Variants in MEGF11 observed in about 807,000 individuals in gnomAD.
The protein encoded by MEGF11 is multiple epidermal growth factor-like domains protein 11.
In MEGF11, 126 loss-of-function variants were observed where a neutral mutation model predicts 146.6. That is an observed-to-expected ratio of 0.86 (90% CI 0.74 to 1.00). The LOEUF is 1.00. Among genes scored for constraint, MEGF11 ranks in the 50% least tolerant of loss-of-function variants. The pLI, the probability that MEGF11 is intolerant of heterozygous loss-of-function variation, is 0.00. For synonymous variants in MEGF11, 532 were observed against 583.4 expected (o/e 0.91, Z 1.27); for missense variants, 1,509 against 1,521.2 (o/e 0.99, Z 0.13).
At chr15:66,119,036 C>T in intron 4 of MEGF11, 50 bp downstream of exon 4, 2 of 1,220,482 alleles carry the variant, frequency 1.6e-6, no homozygotes, top group Non-Finnish European at 1.2e-6. Context: ...CCTCCTTTTG[C>T]CTCTCCTCCC....
intron 7 of MEGF11, among the ~76,000 whole-genome samples, chr15:65,979,214 A>G (rs1208837539): frequency 1.3e-5 from 2 of 152,104 alleles, no homozygotes; most frequent in African/African-American, 4.8e-5. Context: ...GCTTATTAAA[A>G]ATAGAGATCC....
chr15:65,971,232 G>A (rs1348967276), intron 7 of MEGF11: 1 of 153,274 alleles, frequency 6.5e-6, no homozygotes, highest in Non-Finnish European at 1.5e-5. Context: ...GTGGAGGAGT[G>A]ATAACTGCTT....
chr15:65,926,890 G>C (rs895453965), intron 13 of MEGF11, among the ~76,000 whole-genome samples: 2 of 152,194 alleles, frequency 1.3e-5, no homozygotes, highest in African/African-American at 4.8e-5. Context: ...GACCAGGGTT[G>C]AGCCTTATTC....
intron 1 of MEGF11, among the ~76,000 whole-genome samples, chr15:66,223,117 A>G (rs952839925): frequency 3.3e-5 from 5 of 152,262 alleles, no homozygotes; most frequent in South Asian, 2.1e-4. Context: ...ATGGATAAAT[A>G]AAACGTGCTA....
intron 10 of MEGF11, among the ~76,000 whole-genome samples, chr15:65,949,675 C>T (rs2080322628): frequency 6.6e-6 from 1 of 152,214 alleles, no homozygotes; most frequent in Admixed American, 6.5e-5. Context: ...GGCCCCTTAT[C>T]TTCCAGACAC....
intron 1 of MEGF11, among the ~76,000 whole-genome samples, chr15:66,233,838 G>T (rs2092025768): frequency 1.3e-5 from 2 of 152,090 alleles, no homozygotes; most frequent in Admixed American, 1.3e-4. Context: ...AGGAACGCCT[G>T]CCAAAGGTCT....
intron 5 of MEGF11, among the ~76,000 whole-genome samples, chr15:66,011,628 C>T (rs930093978): frequency 2.0e-5 from 3 of 152,014 alleles, no homozygotes; most frequent in Non-Finnish European, 4.4e-5. Flanking sequence ...CCTAATAGCA[C>T]CTGCTTCGGA....
intron 5 of MEGF11, among the ~76,000 whole-genome samples, chr15:66,002,260 C>A (rs944583333): frequency 6.6e-6 from 1 of 152,166 alleles, no homozygotes; most frequent in Non-Finnish European, 1.5e-5. Context: ...TTCTAGCTGG[C>A]TACCTGTCAT....
intron 10 of MEGF11, among the ~76,000 whole-genome samples, chr15:65,945,890 G>A (rs1057105218): frequency 5.3e-5 from 8 of 152,334 alleles, no homozygotes; most frequent in African/African-American, 1.7e-4. Flanking sequence ...GGCGTGTCAA[G>A]CTCATGGACT....
chr15:65,959,959 AATGAATT>A (rs760090558), intron 9 of MEGF11, among the ~76,000 whole-genome samples: 16 of 152,336 alleles, frequency 1.1e-4, no homozygotes, highest in Middle Eastern at 3.4e-3. Flanking sequence ...GCATTGGTTA[AATGAATT>A]ATGACATCCA....
chr15:65,939,493 T>G (rs1167969437), intron 10 of MEGF11, among the ~76,000 whole-genome samples: 2 of 94,442 alleles, frequency 2.1e-5, no homozygotes, highest in Admixed American at 1.0e-4. Context: ...AGCTCCCAAC[T>G]TTTTTTTTTT....
At chr15:66,076,406 C>G (rs2085584962) in intron 5 of MEGF11, among the ~76,000 whole-genome samples, 2 of 151,508 alleles carry the variant, frequency 1.3e-5, no homozygotes, top group South Asian at 4.2e-4. Flanking sequence ...TCTAATTGGG[C>G]TGAATTATTC....
intron 1 of MEGF11, among the ~76,000 whole-genome samples, chr15:66,203,299 G>C (rs915616918): frequency 2.6e-5 from 4 of 152,186 alleles, no homozygotes; most frequent in Non-Finnish European, 4.4e-5. Flanking sequence ...TGGTTTTTAC[G>C]GGCATGATAA....
chr15:66,200,566 T>C (rs890537645), intron 1 of MEGF11, among the ~76,000 whole-genome samples: 1 of 152,082 alleles, frequency 6.6e-6, no homozygotes, highest in Non-Finnish European at 1.5e-5. Flanking sequence ...TCCCCCCGCC[T>C]TAGTTCCAGG....
intron 5 of MEGF11, among the ~76,000 whole-genome samples, chr15:66,003,001 T>TC (rs1369207514): frequency 6.6e-6 from 1 of 152,010 alleles, no homozygotes; most frequent in African/African-American, 2.4e-5. Flanking sequence ...TTTTTCTTTT[T>TC]TTTTTTTGAG....
chr15:66,191,759 T>C (rs35722900), intron 1 of MEGF11, among the ~76,000 whole-genome samples: 19,772 of 152,214 alleles, frequency 0.13, 1,628 homozygotes, highest in Non-Finnish European at 0.19. Context: ...CCCCAGTGGA[T>C]GCCTGGGTTA....
chr15:66,212,178 G>A (rs1408624027), intron 1 of MEGF11, among the ~76,000 whole-genome samples: 5 of 152,002 alleles, frequency 3.3e-5, no homozygotes, highest in Non-Finnish European at 7.4e-5. Flanking sequence ...GCCTCTCCAG[G>A]GCAGAGGGCA....
At chr15:66,176,950 A>C (rs919054843) in intron 1 of MEGF11, among the ~76,000 whole-genome samples, 2 of 152,220 alleles carry the variant, frequency 1.3e-5, no homozygotes, top group South Asian at 2.1e-4. Flanking sequence ...CAAAGTTCAC[A>C]GGCCATGCCT....
At chr15:65,994,510 C>T (rs541300046) in intron 5 of MEGF11, among the ~76,000 whole-genome samples, 9 of 152,086 alleles carry the variant, frequency 5.9e-5, no homozygotes, top group African/African-American at 1.4e-4. Context: ...CCTTTTTCAC[C>T]GGGTGGGAAA....
Sources: gnomAD v4.1 joint callset for allele counts (sites outside exome capture counted in the v4.1 genomes callset) on GRCh38, gnomAD v4.1.1 for gene constraint, MANE v1.5 for transcripts, NCBI Gene and HGNC (gene_info 2026-07-23, HGNC 2026-07-21) for gene names.